Variants in RBP7 observed in about 807,000 individuals in gnomAD.
RBP7 encodes retinoid-binding protein 7.
A neutral mutation model predicts 16.7 loss-of-function variants in RBP7; 13 were observed. That is an observed-to-expected ratio of 0.78 (90% CI 0.51 to 1.24). RBP7 has a LOEUF of 1.24. Among genes scored for constraint, RBP7 ranks in the 50% most tolerant of loss-of-function variants. The pLI is 0.00. For missense variants in RBP7, 145 were observed against 159.5 expected, an observed-to-expected ratio of 0.91 and a Z score of 0.49; for synonymous variants, 54 against 56.2, an observed-to-expected ratio of 0.96 and a Z score of 0.17.
At chr1:10,009,215 T>G (rs1281716486) in intron 3 of RBP7, among the ~76,000 whole-genome samples, 5 of 152,086 alleles carry the variant, frequency 3.3e-5, no homozygotes, top group Admixed American at 1.3e-4. Flanking sequence ...ATCAAGATCA[T>G]CCTGGCCAAC....
At chr1:9,998,172 AG>A (rs1642206951) in intron 1 of RBP7, among the ~76,000 whole-genome samples, 1 of 151,398 alleles carries the variant, frequency 6.6e-6, no homozygotes, top group Admixed American at 6.6e-5. Flanking sequence ...TTGTACTTTT[AG>A]TAGAGAAGGG....
chr1:10,003,816 C>T (rs1201825207), intron 1 of RBP7, among the ~76,000 whole-genome samples: 1 of 152,052 alleles, frequency 6.6e-6, no homozygotes, highest in Non-Finnish European at 1.5e-5. Flanking sequence ...AGTGCAGTAG[C>T]GAGATTTCAG....
At chr1:10,015,347 G>C (rs983708017) in intron 3 of RBP7, among the ~76,000 whole-genome samples, 4 of 150,906 alleles carry the variant, frequency 2.7e-5, no homozygotes, top group African/African-American at 9.8e-5. Flanking sequence ...GGCCGAGGCA[G>C]AAGAATTGCT....
intron 3 of RBP7, among the ~76,000 whole-genome samples, chr1:10,012,330 A>C (rs1642647580): frequency 6.6e-6 from 1 of 151,690 alleles, no homozygotes; most frequent in African/African-American, 2.4e-5. Flanking sequence ...GCAGTGAGCC[A>C]AGATCATGCC....
chr1:10,009,152 C>T (rs1377112402), intron 3 of RBP7, among the ~76,000 whole-genome samples: 2 of 152,160 alleles, frequency 1.3e-5, no homozygotes, highest in East Asian at 1.9e-4. Context: ...TGGCTCACGC[C>T]TGTAATCCCA....
At chr1:10,015,676 A>T in intron 3 of RBP7, 106 bp from the exon 4 acceptor site, 3 of 994,178 alleles carry the variant, frequency 3.0e-6, no homozygotes, top group Non-Finnish European at 4.7e-6. Flanking sequence ...AAAGAAAAAA[A>T]CATGTTCCAG....
intron 3 of RBP7, among the ~76,000 whole-genome samples, chr1:10,011,794 C>T (rs886761164): frequency 2.0e-5 from 3 of 152,156 alleles, no homozygotes; most frequent in Admixed American, 6.6e-5. Flanking sequence ...TACGGGTTCA[C>T]GCCTGTAATC....
At position 10,008,009 on chromosome 1, in the gene RBP7, G is replaced by A. The variant is rs114154636; in HGVS notation, c.253-164G>A. Among the ~76,000 whole-genome samples the A allele has an allele frequency of 4.0e-3, 608 of 151,222 alleles. 4 individuals are homozygous for A. Among genetic ancestry groups the A allele is most frequent in the Middle Eastern group, 0.014 (4 of 294 alleles). ...AGGTTGGTTGCAGTAAGCCAAGATC[G>A]TGCCACTGCACTCCAGCCTGGGTGA... is the stretch of plus-strand genomic sequence containing the variant. On this transcript the variant is annotated intron_variant, in intron 2 of 3. Transcript: ENST00000294435.
Position 10,015,939 on chromosome 1 carries a change from T to TCTCTCCA in RBP7, c.*107_*108insCTCTCCA. On this transcript the variant is annotated 3_prime_UTR_variant, in exon 4 of 4. Transcript: ENST00000294435. ...CCATTTGGCGACGAGGACTCGTGGCTGGAGAGAGCCACACAGCGTGTAACC... is the reference window on the plus strand; with the variant it reads ...CCATTTGGCGACGAGGACTCGTGGCTCTCTCCAGGAGAGAGCCACACAGCGTGTAACC... The TCTCTCCA allele has an allele frequency of 2.0e-6, 2 of 1,000,720 alleles. No homozygotes were observed. Among genetic ancestry groups the TCTCTCCA allele is most frequent in the African/African-American group, 1.6e-5 (1 of 63,744 alleles). The allele number at this position is 1,000,720 out of a possible 1,614,324, so 62.0% of individuals were successfully genotyped here.
chr1:10,008,443 ATTTTTTTT>A lies in RBP7; in HGVS notation c.354+178_354+185del, dbSNP rs375450283. The stretch of plus-strand genomic sequence containing the variant: ...AACATGGTGAAACCCCATCTCTACT[ATTTTTTTT>A]TTTTTTTTGAGATGGAGTATCGCTG... On this transcript the variant is annotated intron_variant, in intron 3 of 3. Transcript: ENST00000294435. Among the ~76,000 whole-genome samples the A allele has an allele frequency of 1.6e-3, 215 of 134,406 alleles. 2 individuals are homozygous for A. The highest frequency in any genetic ancestry group is 5.8e-3 in the African/African-American group (208 of 35,762). 88.2% of individuals were successfully genotyped at this position (134,406 alleles called of 152,430 possible). A position where few individuals can be genotyped will look rare whatever the true frequency, so the allele number is the denominator to read the frequency against.
intron 1 of RBP7, among the ~76,000 whole-genome samples, chr1:9,999,411 G>A (rs1422114202): frequency 1.3e-5 from 2 of 152,108 alleles, no homozygotes; most frequent in African/African-American, 2.4e-5. Flanking sequence ...AATTAGCTGG[G>A]CATGGTGGCG....
intron 3 of RBP7, among the ~76,000 whole-genome samples, chr1:10,010,162 C>T (rs1426817531): frequency 6.6e-6 from 1 of 152,128 alleles, no homozygotes; most frequent in Non-Finnish European, 1.5e-5. Flanking sequence ...GTTGCCCAGG[C>T]TGGAGTGCAG....
chr1:10,015,636 C>A, intron 3 of RBP7, 146 bp from the exon 4 acceptor site: 1 of 647,648 alleles, frequency 1.5e-6, no homozygotes, highest in Non-Finnish European at 2.7e-6. Flanking sequence ...TGTACTTAGC[C>A]AGGACGACAG....
intron 1 of RBP7, among the ~76,000 whole-genome samples, chr1:9,998,387 T>TTTCTTTC (rs1553129427): frequency 5.5e-5 from 7 of 127,552 alleles, no homozygotes; most frequent in Non-Finnish European, 9.7e-5. Context: ...TGTTTTCTTT[T>TTTCTTTC]TTTCTTTCTT....
chr1:10,009,371 C>T (rs1642540474), intron 3 of RBP7, among the ~76,000 whole-genome samples: 2 of 152,030 alleles, frequency 1.3e-5, no homozygotes, highest in South Asian at 2.1e-4. Context: ...GATCGCACCA[C>T]TGCCCTACGG....
At chr1:10,010,615 G>A (rs1162181503) in intron 3 of RBP7, among the ~76,000 whole-genome samples, 1 of 132,792 alleles carries the variant, frequency 7.5e-6, no homozygotes, top group African/African-American at 2.9e-5. Flanking sequence ...ACGGAGTTTC[G>A]CTCTTGTTGC....
rs751300244 is a variant in RBP7, at chr1:10,007,730, G to A, written c.234G>A (p.Leu78=). 7.4e-6 allele frequency: 12 copies of A among 1,611,664 alleles called. No homozygotes were observed. Among genetic ancestry groups the A allele is most frequent in the Non-Finnish European group, 1.0e-5 (12 of 1,179,424 alleles). The stretch of plus-strand genomic sequence containing the variant: ...AATTTGATGAAGATAACAGAGGCCT[G>A]GACAACAGAAAATGCAAGGTAAAAT... ...GEEFDEDNRG[L]DNRKCKSLVI... is the part of the protein sequence containing the mutation. The change falls in exon 2 of 4, where the codon CTG becomes CTA. Residue 78 remains leucine, a synonymous_variant. Coordinates refer to ENST00000294435, the MANE Select transcript of RBP7 (RefSeq NM_052960.3).
At chr1:10,003,061 G>T (rs1642324444) in intron 1 of RBP7, among the ~76,000 whole-genome samples, 1 of 152,150 alleles carries the variant, frequency 6.6e-6, no homozygotes, top group Non-Finnish European at 1.5e-5. Context: ...AACACCTGGA[G>T]TTAGCACCCC....
rs565368960 is a variant in RBP7, at chr1:10,008,502, G to A, written c.354+228G>A. Among the ~76,000 whole-genome samples, 817 of 149,630 alleles carry A rather than the reference G, an allele frequency of 5.5e-3. 7 individuals carry two copies. The highest frequency in any genetic ancestry group is 0.01 in the Middle Eastern group (3 of 290). On this transcript the variant is annotated intron_variant, in intron 3 of 3. Transcript: ENST00000294435. ...TGTCACCAGGCTGGAGTGCAGTGGC[G>A]CGATCTCGGCTCACTGCAACCTCCA...
Sources: gnomAD v4.1 joint callset for allele counts (sites outside exome capture counted in the v4.1 genomes callset) on GRCh38, gnomAD v4.1.1 for gene constraint, MANE v1.5 for transcripts, NCBI Gene and HGNC (gene_info 2026-07-23, HGNC 2026-07-21) for gene names.